Variants in OTUD7B observed in about 807,000 individuals in gnomAD.
The protein encoded by OTUD7B is OTU deubiquitinase 7B.
In OTUD7B, 34 loss-of-function variants were observed where a neutral mutation model predicts 82.2. The ratio of observed to expected loss-of-function variants is 0.41; its 90% CI spans 0.31 to 0.55. The LOEUF (loss-of-function observed/expected upper bound fraction) is 0.55, where lower values mean the gene tolerates loss of function less well. OTUD7B is among the 20% of genes least tolerant of loss of function. OTUD7B has a pLI of 0.20. For synonymous variants in OTUD7B, 398 were observed against 402.7 expected (o/e 0.99, Z 0.14); for missense variants, 944 against 1,062.1 (o/e 0.89, Z 1.55).
the OTUD7B span, among the ~76,000 whole-genome samples, chr1:150,033,087 T>C: frequency 6.6e-6 from 1 of 152,218 alleles, no homozygotes. Flanking sequence ...TTATAAATAA[T>C]GCTGGGAAGA....
chr1:150,012,226 T>A (rs939268622), upstream of OTUD7B, among the ~76,000 whole-genome samples: 3 of 152,156 alleles, frequency 2.0e-5, no homozygotes, highest in African/African-American at 7.2e-5. Flanking sequence ...CTAACTGAAC[T>A]GAACTGGAAG....
intron 2 of OTUD7B, among the ~76,000 whole-genome samples, chr1:149,973,555 G>A (rs116709921): frequency 0.03 from 4,473 of 150,562 alleles, 132 homozygotes; most frequent in Non-Finnish European, 0.042. Context: ...GCACGATCTC[G>A]GCTCACTGGA....
intron 1 of OTUD7B, among the ~76,000 whole-genome samples, chr1:149,986,236 A>ATC (rs1553780748): frequency 2.4e-4 from 32 of 131,498 alleles, no homozygotes; most frequent in African/African-American, 7.3e-4. Flanking sequence ...ATGGTACCCC[A>ATC]TCACACACAC....
At chr1:149,993,006 C>T (rs992959573) in intron 1 of OTUD7B, among the ~76,000 whole-genome samples, 7 of 152,004 alleles carry the variant, frequency 4.6e-5, no homozygotes, top group South Asian at 2.1e-4. Flanking sequence ...CAAAAATTGG[C>T]CAGGCATGGT....
At chr1:150,051,505 T>C in the OTUD7B span, among the ~76,000 whole-genome samples, 1 of 152,086 alleles carries the variant, frequency 6.6e-6, no homozygotes, top group Non-Finnish European at 1.5e-5. Context: ...TATTATTATG[T>C]CTAGTTTCTA....
upstream of OTUD7B, among the ~76,000 whole-genome samples, chr1:150,013,389 A>G (rs587645129): frequency 3.9e-5 from 6 of 152,306 alleles, no homozygotes; most frequent in South Asian, 8.3e-4. Flanking sequence ...AGAGTTGGGG[A>G]AAATGTTCAG....
intron 8 of OTUD7B, 68 bp from the exon 9 acceptor site, chr1:149,949,846 C>T: frequency 1.3e-6 from 2 of 1,512,242 alleles, no homozygotes; most frequent in Non-Finnish European, 1.8e-6. Context: ...CTACATCCCA[C>T]TCTGCCAACT....
chr1:150,014,036 GTATA>G (rs1163621407), upstream of OTUD7B, among the ~76,000 whole-genome samples: 1 of 102,672 alleles, frequency 9.7e-6, no homozygotes, highest in Non-Finnish European at 1.9e-5. Context: ...GTATATATAC[GTATA>G]TATGTGTGTG....
the OTUD7B span, among the ~76,000 whole-genome samples, chr1:150,028,513 G>C: frequency 2.0e-5 from 3 of 151,982 alleles, no homozygotes; most frequent in African/African-American, 7.3e-5. Flanking sequence ...CATCAATATT[G>C]TTGTGCAATC....
At position 149,967,424 on chromosome 1, in the gene OTUD7B, A is replaced by G; in HGVS notation, c.372T>C (p.Asn124=). 1 of 1,613,906 alleles carries G rather than the reference A, an allele frequency of 6.2e-7. No homozygotes were observed. The highest frequency in any genetic ancestry group is 1.1e-5 in the South Asian group (1 of 91,088). The change falls in exon 4 of 12, where the codon AAT becomes AAC. Residue 124 remains asparagine, a synonymous_variant. Transcript: ENST00000581312. The stretch of plus-strand genomic sequence containing the variant: ...AGATGGGCATTTCCAGGGGGTGCTC[A>G]TTGCTCCCCCCACCCCCACCATTGG... The part of the protein sequence containing the change: ...VSSNGGGGGS[N]EHPLEMPICA...
At chr1:150,065,857 T>TTTTTTTTTTTTTTTTTTTTTAGA in the OTUD7B span, among the ~76,000 whole-genome samples, 1 of 152,198 alleles carries the variant, frequency 6.6e-6, no homozygotes, top group African/African-American at 2.4e-5. Flanking sequence ...ATGTTTATGT[T>TTTTTTTTTTTTTTTTTTTTTAGA]CCATATCTTA....
At chr1:149,988,230 A>G (rs1314757648) in intron 1 of OTUD7B, among the ~76,000 whole-genome samples, 5 of 152,164 alleles carry the variant, frequency 3.3e-5, no homozygotes, top group African/African-American at 1.2e-4. Flanking sequence ...TCAATCATAT[A>G]ACCACTCCCA....
intron 1 of OTUD7B, among the ~76,000 whole-genome samples, chr1:149,981,869 G>A (rs924225366): frequency 1.3e-5 from 2 of 152,112 alleles, no homozygotes; most frequent in Non-Finnish European, 2.9e-5. Flanking sequence ...CTCTTACTCG[G>A]CCAGGCACAG....
chr1:150,030,431 T>C, the OTUD7B span, among the ~76,000 whole-genome samples: 2 of 152,202 alleles, frequency 1.3e-5, no homozygotes, highest in Non-Finnish European at 2.9e-5. Flanking sequence ...TTCCCCGTTA[T>C]TGTTCATAGT....
At chr1:150,014,639 A>G (rs1653217760), upstream of OTUD7B, among the ~76,000 whole-genome samples, 2 of 152,240 alleles carry the variant, frequency 1.3e-5, no homozygotes, top group Admixed American at 1.3e-4. Context: ...TACAAATTTA[A>G]AAAACAAATG....
In OTUD7B at chr1:149,992,495, G is replaced by T. The variant is rs1377071687; in HGVS notation, c.-66-14919C>A. 2.4e-4 allele frequency among the ~76,000 whole-genome samples: 21 copies of T among 87,366 alleles called. 5 individuals are homozygous for T. The highest frequency in any genetic ancestry group is 1.9e-3 in the South Asian group (4 of 2,080). 57.3% of individuals were successfully genotyped at this position (87,366 alleles called of 152,430 possible). A position where few individuals can be genotyped will look rare whatever the true frequency, so the allele number is the denominator to read the frequency against. On this transcript the variant is annotated intron_variant, in intron 1 of 11. Transcript: ENST00000581312. The stretch of plus-strand genomic sequence containing the variant: ...TTTTTTTTTTTTTTTTTTTTTTTTA[G>T]TACAGAGTCTCACTCTGTCACCCAG...
At chr1:149,982,135 C>G (rs587726200) in intron 1 of OTUD7B, among the ~76,000 whole-genome samples, 1 of 151,420 alleles carries the variant, frequency 6.6e-6, no homozygotes, top group South Asian at 2.1e-4. Context: ...GGCGACAGAG[C>G]GAGACTCCAT....
rs782017047 is a variant in OTUD7B at position 149,944,828 on chromosome 1, T to C, written c.1561A>G (p.Met521Val). ...CCCTTGCTGTGCATCAGGCCCCCCATGTTCTTCTTGAGCTTGCTGCCCAAG... is the reference window on the plus strand; with the variant it reads ...CCCTTGCTGTGCATCAGGCCCCCCACGTTCTTCTTGAGCTTGCTGCCCAAG... ...KTLGSKLKKN[M>V]GGLMHSKGSK... The change falls in exon 12 of 12, where the codon ATG (methionine) becomes GTG (valine). Residue 521 changes from methionine to valine, a missense_variant. Transcript: ENST00000581312. 6.2e-7 allele frequency: 1 copy of C among 1,614,010 alleles called. No individual in the cohort carries two copies. Among genetic ancestry groups the C allele is most frequent in the East Asian group, 2.2e-5 (1 of 44,856 alleles).
At chr1:149,955,414 T>C (rs1336445930) in intron 7 of OTUD7B, among the ~76,000 whole-genome samples, 2 of 152,220 alleles carry the variant, frequency 1.3e-5, no homozygotes, top group Non-Finnish European at 2.9e-5. Flanking sequence ...AGACAGTTTG[T>C]TATAATTTCT....
Sources: allele counts gnomAD v4.1 joint callset (sites outside exome capture counted in the v4.1 genomes callset), GRCh38; gene constraint gnomAD v4.1.1; transcripts MANE v1.5; gene names NCBI Gene and HGNC (gene_info 2026-07-23, HGNC 2026-07-21).